The following PIK3R4 variants were observed in gnomAD, a reference collection of about 807,000 sequenced individuals.
PIK3R4 encodes the protein phosphoinositide 3-kinase regulatory subunit 4.
In PIK3R4, 46 loss-of-function variants were observed where a neutral mutation model predicts 136.5. That is an observed-to-expected ratio of 0.34 (90% CI 0.27 to 0.43). The LOEUF (loss-of-function observed/expected upper bound fraction) is 0.43. Ranked by LOEUF, PIK3R4 falls within the 20% of genes least tolerant of loss-of-function variation. The probability of loss-of-function intolerance (pLI) is 1.00; values close to 1 mark genes in which losing one functional copy is unlikely to be tolerated. For synonymous variants in PIK3R4, 557 were observed against 566.7 expected, an observed-to-expected ratio of 0.98 and a Z score of 0.24; for missense variants, 1,331 against 1,649.5, an observed-to-expected ratio of 0.81 and a Z score of 3.35.
intron 2 of PIK3R4, among the ~76,000 whole-genome samples, chr3:130,743,273 A>G (rs2066834359): frequency 6.6e-6 from 1 of 151,718 alleles, no homozygotes; most frequent in Admixed American, 6.6e-5. Context: ...AAAAAAGTCA[A>G]CTGGGTGTGG....
Position 130,703,782 on chromosome 3 carries a change from A to G in PIK3R4, c.3039T>C (p.Asn1013=). The part of the protein sequence containing the change: ...DEHSLFATCS[N]DGTVKIWNSQ... ...TGTTCCAGATTTTCACTGTGCCATC[A>G]TTTGAACATGTTGCAAAAAGTGAGT... Residue 1013 remains asparagine (N), a synonymous_variant, in exon 13 of 20, where the codon AAT becomes AAC. Coordinates refer to ENST00000356763, the MANE Select transcript of PIK3R4 (RefSeq NM_014602.3). 1 of 1,613,452 alleles carries G rather than the reference A, an allele frequency of 6.2e-7. No individual in the cohort carries two copies. The highest frequency in any genetic ancestry group is 8.5e-7 in the Non-Finnish European group (1 of 1,179,382).
intron 7 of PIK3R4, among the ~76,000 whole-genome samples, chr3:130,719,234 T>C (rs1034055190): frequency 6.6e-6 from 1 of 152,202 alleles, no homozygotes; most frequent in Non-Finnish European, 1.5e-5. Context: ...ATAAAATCAA[T>C]GATTTCAACT....
chr3:130,715,208 C>A (rs1170186409), intron 9 of PIK3R4, among the ~76,000 whole-genome samples: 1 of 149,732 alleles, frequency 6.7e-6, no homozygotes, highest in Non-Finnish European at 1.5e-5. Context: ...ACTGCAACCT[C>A]TGCCTCCCAG....
intron 2 of PIK3R4, among the ~76,000 whole-genome samples, chr3:130,740,175 G>A (rs1249671256): frequency 6.6e-6 from 1 of 152,078 alleles, no homozygotes; most frequent in African/African-American, 2.4e-5. Flanking sequence ...AATTAAGTGG[G>A]GGGAGGCATT....
rs755270455 is a variant in PIK3R4, at chr3:130,684,232, G to A, written c.3607+18C>T. Reference sequence around the variant, plus strand: ...CAAGAAAATCTCCCAACACATGAAAGCCAGCCCTCCATCTTACCTGCAATC... The same window carrying A: ...CAAGAAAATCTCCCAACACATGAAAACCAGCCCTCCATCTTACCTGCAATC... On this transcript the variant is annotated intron_variant, in intron 16 of 19. Transcript: ENST00000356763. 6.2e-7 allele frequency: 1 copy of A among 1,607,568 alleles called. No individual in the cohort carries two copies. Among genetic ancestry groups the A allele is most frequent in the East Asian group, 2.2e-5 (1 of 44,770 alleles).
chr3:130,703,006 G>A (rs1488191990), intron 13 of PIK3R4, among the ~76,000 whole-genome samples: 2 of 152,022 alleles, frequency 1.3e-5, no homozygotes, highest in South Asian at 2.1e-4. Flanking sequence ...GCTACCAAGC[G>A]ACCAGCTCTT....
chr3:130,713,310 A>G (rs1202773779), intron 9 of PIK3R4, among the ~76,000 whole-genome samples: 1 of 152,208 alleles, frequency 6.6e-6, no homozygotes, highest in East Asian at 1.9e-4. Context: ...ATAACATAAA[A>G]TGGGGGATTA....
rs1004651845 is a variant in PIK3R4 at position 130,746,584 on chromosome 3, G to C, written c.-313C>G. 1.3e-5 allele frequency: 2 copies of C among 152,262 alleles called. No homozygotes were observed. The highest frequency in any genetic ancestry group is 2.9e-5 in the Non-Finnish European group (2 of 68,122). The allele number at this position is 152,262 out of a possible 1,614,324, so 9.4% of individuals were successfully genotyped here. A position where few individuals can be genotyped will look rare whatever the true frequency, so the allele number is the denominator to read the frequency against. ...AAGCCACGCTAAAGAGTCTCCACAAGTACCCCGGGATTTGACCCCTCCAGC... is the reference window on the plus strand; with the variant it reads ...AAGCCACGCTAAAGAGTCTCCACAACTACCCCGGGATTTGACCCCTCCAGC... On this transcript the variant is annotated 5_prime_UTR_variant, in exon 1 of 20. Coordinates refer to ENST00000356763, the MANE Select transcript of PIK3R4 (RefSeq NM_014602.3).
In PIK3R4 at chr3:130,706,992, C is replaced by T. The variant is rs181074945; in HGVS notation, c.2677G>A (p.Glu893Lys). ...GGGACACAAATGCCAGCAGAGGACT[C>T]GGAACGAGGAGGTTTCCCAGTCTGA... is the stretch of plus-strand genomic sequence containing the variant. The part of the protein sequence containing the change: ...VIQTGKPPRS[E>K]SSAGICVPLS... Residue 893 changes from glutamate to lysine, a missense_variant, in exon 11 of 20, where the codon GAG becomes AAG. Glu to Lys is a moderately conservative substitution (Grantham distance 56). Around this residue, in one of 2 missense-constraint regions of PIK3R4, gnomAD observed 1,180 missense variants for 1,407.0 expected, o/e 0.84. Coordinates refer to ENST00000356763, the MANE Select transcript of PIK3R4 (RefSeq NM_014602.3). 347 of 1,612,372 alleles carry T rather than the reference C, an allele frequency of 2.2e-4. No homozygotes were observed. Among genetic ancestry groups the T allele is most frequent in the Non-Finnish European group, 2.9e-4 (340 of 1,179,284 alleles).
rs553080178 is a variant in PIK3R4 at position 130,744,361 on chromosome 3, T to G, written c.733+125A>C. On this transcript the variant is annotated intron_variant, in intron 2 of 19. Transcript: ENST00000356763. ...GCAGGAATGCTGCCTCTAACTGAAATAGCGTCTGAGGACAAACCAAGACAT... is the reference window on the plus strand; with the variant it reads ...GCAGGAATGCTGCCTCTAACTGAAAGAGCGTCTGAGGACAAACCAAGACAT... 4.0e-5 allele frequency: 41 copies of G among 1,026,438 alleles called. No homozygotes were observed. In the South Asian group the frequency reaches 6.2e-4, roughly 16 times the overall value. 63.6% of individuals were successfully genotyped at this position (1,026,438 alleles called of 1,614,324 possible).
chr3:130,733,647 C>A lies in PIK3R4; in HGVS notation c.1351G>T (p.Val451Phe). 6.2e-7 allele frequency: 1 copy of A among 1,614,094 alleles called. No individual in the cohort carries two copies. The highest frequency in any genetic ancestry group is 1.3e-5 in the African/African-American group (1 of 75,052). ...TAAATATTGATATCATTACGAGGAA[C>A]CTCTTTGACGAGAGCAAGAACTTTG... ...LTKVLALVKE[V>F]PRNDINIYPE... Residue 451 changes from valine to phenylalanine, a missense_variant, in exon 4 of 20, where the codon GTT becomes TTT. Around this residue, in one of 2 missense-constraint regions of PIK3R4, gnomAD observed 1,180 missense variants for 1,407.0 expected, o/e 0.84. Transcript: ENST00000356763.
chr3:130,721,038 T>TAA (rs562754588), intron 7 of PIK3R4, among the ~76,000 whole-genome samples: 3 of 144,702 alleles, frequency 2.1e-5, no homozygotes, highest in African/African-American at 7.6e-5. Context: ...CCCTGTGTCT[T>TAA]AAAAAAAAAA....
rs117689001 is a variant in PIK3R4 at position 130,726,677 on chromosome 3, C to A, written c.1807+1786G>T. Among the ~76,000 whole-genome samples the A allele has an allele frequency of 4.9e-4, 75 of 151,980 alleles. 1 individual carries two copies. The East Asian group carries it at 0.014, about 28-fold the overall frequency. ...ATGGTCATTTATTTTCTTCTGGTTT[C>A]CGTATTTTCCAAATTTTTCTAAGTT... is the stretch of plus-strand genomic sequence containing the variant. On this transcript the variant is annotated intron_variant, in intron 6 of 19. Transcript: ENST00000356763.
chr3:130,736,035 A>G (rs755609292), intron 2 of PIK3R4, 33 bp from the exon 3 acceptor site: 7 of 1,558,686 alleles, frequency 4.5e-6, no homozygotes, highest in Non-Finnish European at 2.6e-6. Flanking sequence ...CTGTTAGAAA[A>G]GAGATAAAAA....
Position 130,707,245 on chromosome 3 carries a change from T to A in PIK3R4, c.2534-110A>T, listed in dbSNP as rs1024834894. The A allele has an allele frequency of 5.3e-6, 3 of 563,562 alleles. No individual in the cohort carries two copies. The African/African-American group carries it at 5.8e-5, about 11-fold the overall frequency. The allele number at this position is 563,562 out of a possible 1,614,324, so 34.9% of individuals were successfully genotyped here. A position where few individuals can be genotyped will look rare whatever the true frequency, so the allele number is the denominator to read the frequency against. Reference sequence around the variant, plus strand: ...GAGGAGGCAGGGATAGCAATACACTTCATATTCTATTTGTTCCTTAAGATT... The same window carrying A: ...GAGGAGGCAGGGATAGCAATACACTACATATTCTATTTGTTCCTTAAGATT... On this transcript the variant is annotated intron_variant, in intron 10 of 19. Transcript: ENST00000356763.
chr3:130,703,698 T>C (rs1398638305), intron 13 of PIK3R4, 25 bp downstream of exon 13: 2 of 1,544,750 alleles, frequency 1.3e-6, no homozygotes, highest in Admixed American at 1.7e-5. Flanking sequence ...ATTAATGAAC[T>C]GATTCATTCC....
At chr3:130,688,500 T>A (rs1403230180) in intron 14 of PIK3R4, among the ~76,000 whole-genome samples, 1 of 152,242 alleles carries the variant, frequency 6.6e-6, no homozygotes, top group African/African-American at 2.4e-5. Flanking sequence ...ACATCCTGGT[T>A]AACTTTTTAA....
intron 2 of PIK3R4, among the ~76,000 whole-genome samples, chr3:130,737,837 T>C (rs1296314472): frequency 6.6e-6 from 1 of 152,226 alleles, no homozygotes; most frequent in Non-Finnish European, 1.5e-5. Context: ...ATTTATTGAA[T>C]ACTGAACTGA....
chr3:130,710,472 C>T (rs1485363172), intron 9 of PIK3R4, among the ~76,000 whole-genome samples: 2 of 152,032 alleles, frequency 1.3e-5, no homozygotes, highest in Non-Finnish European at 2.9e-5. Flanking sequence ...GCAAAAATCA[C>T]ATTGAATGGT....
Sources: allele counts gnomAD v4.1 joint callset (sites outside exome capture counted in the v4.1 genomes callset), GRCh38; gene constraint gnomAD v4.1.1; regional missense constraint gnomAD v4.1.1; transcripts MANE v1.5; gene names NCBI Gene and HGNC (gene_info 2026-07-23, HGNC 2026-07-21).